DNAH1: variants seen among roughly 807,000 people sequenced by gnomAD.
DNAH1 encodes dynein axonemal heavy chain 1, also known as axonemal beta dynein heavy chain 1.
Under a neutral mutation model 484.3 loss-of-function variants are expected in DNAH1, and 327 were observed. The observed-to-expected ratio is 0.68, with a 90% CI of 0.62 to 0.74. The LOEUF is 0.74. DNAH1 is among the 30% of genes least tolerant of loss of function. The pLI, the probability that DNAH1 is intolerant of heterozygous loss-of-function variation, is 0.00. For missense variants in DNAH1, 5,052 were observed against 5,546.8 expected (o/e 0.91, Z 2.83); for synonymous variants, 2,192 against 2,191.9 (o/e 1.00, Z 0.00).
intron 44 of DNAH1, chr3:52,374,883 C>G (rs1348710676): frequency 2.8e-6 from 3 of 1,080,312 alleles, no homozygotes; most frequent in Non-Finnish European, 4.2e-6. Flanking sequence ...AGCCAATCCC[C>G]AGGTACTAAA....
chr3:52,311,849 AG>A (rs1700773311), upstream of DNAH1, among the ~76,000 whole-genome samples: 1 of 152,208 alleles, frequency 6.6e-6, no homozygotes, highest in South Asian at 2.1e-4. Context: ...GACGGCCCAC[AG>A]GGACCCCCCT....
chr3:52,335,024 T>G lies in DNAH1; in HGVS notation c.1286+2630T>G, dbSNP rs547623443. Among the ~76,000 whole-genome samples the G allele has an allele frequency of 7.2e-5, 11 of 151,842 alleles. No individual in the cohort carries two copies. The South Asian group carries it at 8.3e-4, about 11-fold the overall frequency. On this transcript the variant is annotated intron_variant, in intron 8 of 77. Coordinates refer to ENST00000420323, the MANE Select transcript of DNAH1 (RefSeq NM_015512.5). ...ACCATGTTCGCCAGGATGGTCTCGATCTCCTGACCTCGTGATCCACCTGCC... is the reference window on the plus strand; with the variant it reads ...ACCATGTTCGCCAGGATGGTCTCGAGCTCCTGACCTCGTGATCCACCTGCC...
Position 52,372,994 on chromosome 3 carries a change from CCATCGAGCT to C in DNAH1, c.6927_6935del (p.Ile2310_Leu2312del). The C allele has an allele frequency of 6.2e-6, 10 of 1,613,736 alleles. No homozygotes were observed. The highest frequency in any genetic ancestry group is 8.5e-6 in the Non-Finnish European group (10 of 1,179,862). The stretch of plus-strand genomic sequence containing the variant: ...CTGGAGACCTACGGTGCACAGCCAC[CCATCGAGCT>C]GTTGCGCCAGTGGATGGACCACGGC... On this transcript the variant is annotated inframe_deletion, in exon 44 of 78. Transcript: ENST00000420323.
chr3:52,379,872 C>T lies in DNAH1; in HGVS notation c.7378-33C>T. 6.5e-7 allele frequency: 1 copy of T among 1,533,236 alleles called. No homozygotes were observed. The highest frequency in any genetic ancestry group is 8.8e-7 in the Non-Finnish European group (1 of 1,133,646). The allele number at this position is 1,533,236 out of a possible 1,614,324, so 95.0% of individuals were successfully genotyped here. A position where few individuals can be genotyped will look rare whatever the true frequency, so the allele number is the denominator to read the frequency against. ...GAGAGATAGCTGAGGGCTTGGGGGC[C>T]AAGGACAGGCACCGATGCTGGGGCT... On this transcript the variant is annotated intron_variant, in intron 47 of 77. Transcript: ENST00000420323. The surrounding 1 kb of genome is among the most constrained non-coding windows in gnomAD (Gnocchi z 4.4).
chr3:52,375,233 A>G lies in DNAH1; in HGVS notation c.6986-7A>G. ...GGGCCCTTCCTGACTTCCTGCCCCT[A>G]CTCCAGGTGCCTTCAAGAACCTAGT... On this transcript the variant is annotated splice_region_variant and splice_polypyrimidine_tract_variant and intron_variant, in intron 44 of 77. Coordinates refer to ENST00000420323, the MANE Select transcript of DNAH1 (RefSeq NM_015512.5). 1 of 1,597,018 alleles carries G rather than the reference A, an allele frequency of 6.3e-7. No individual in the cohort carries two copies. The highest frequency in any genetic ancestry group is 8.5e-7 in the Non-Finnish European group (1 of 1,171,350).
intron 1 of DNAH1, among the ~76,000 whole-genome samples, chr3:52,320,962 A>C (rs1364944200): frequency 1.3e-5 from 2 of 150,302 alleles, no homozygotes; most frequent in African/African-American, 4.9e-5. Flanking sequence ...CACCACACCC[A>C]GCTAATTTTG....
Position 52,388,260 on chromosome 3 carries a change from T to C in DNAH1, c.9097T>C (p.Cys3033Arg), listed in dbSNP as rs1318824783. The C allele has an allele frequency of 6.2e-7, 1 of 1,603,436 alleles. No individual in the cohort carries two copies. Among genetic ancestry groups the C allele is most frequent in the East Asian group, 2.2e-5 (1 of 44,448 alleles). Residue 3033 changes from cysteine to arginine, a missense_variant, in exon 57 of 78, where the codon TGC (cysteine) becomes CGC (arginine). Physicochemically the swap from Cys to Arg is radical, Grantham distance 180. Coordinates refer to ENST00000420323, the MANE Select transcript of DNAH1 (RefSeq NM_015512.5). ...CACCATTGCCAAGGTGTCCAAGGCT[T>C]GCACCTCCATCTGCCAGTGGGTGCG... ...PATIAKVSKA[C>R]TSICQWVRAM...
In DNAH1 at chr3:52,354,881, G is replaced by T. The variant is rs1166366906; in HGVS notation, c.3519G>T (p.Leu1173=). The change falls in exon 21 of 78, where the codon CTG becomes CTT. Residue 1173 remains leucine, a synonymous_variant. Coordinates refer to ENST00000420323, the MANE Select transcript of DNAH1 (RefSeq NM_015512.5). ...DKMEKEWSTI[L]FNVLPYKATD... ...TGGAGAAGGAGTGGTCGACCATCCT[G>T]TTCAATGTACTGCCCTACAAGGCGA... 20 of 1,613,944 alleles carry T rather than the reference G, an allele frequency of 1.2e-5. No homozygotes were observed. Among genetic ancestry groups the T allele is most frequent in the Non-Finnish European group, 1.4e-5 (16 of 1,179,898 alleles).
chr3:52,382,779 C>G (rs1396873353), intron 50 of DNAH1, among the ~76,000 whole-genome samples: 1 of 152,374 alleles, frequency 6.6e-6, no homozygotes, highest in East Asian at 1.9e-4. Context: ...TGCTAGGGAC[C>G]CATGGCTTCC....
At chr3:52,346,976 A>G (rs1702170411) in intron 11 of DNAH1, among the ~76,000 whole-genome samples, 1 of 151,592 alleles carries the variant, frequency 6.6e-6, no homozygotes, top group Non-Finnish European at 1.5e-5. Flanking sequence ...TCACTCAATC[A>G]TTGAGTTACT....
chr3:52,344,605 G>C lies in DNAH1; in HGVS notation c.1402G>C (p.Val468Leu). ...VSSKPETFSY[V>L]TLPKKEEEQV... The stretch of plus-strand genomic sequence containing the variant: ...TTCCAAGCCCGAGACCTTCTCCTAC[G>C]TCACCCTCCCCAAGAAGGAGGAGGA... The change falls in exon 9 of 78, where the codon GTC becomes CTC. Residue 468 changes from valine (V) to leucine (L), a missense_variant. Coordinates refer to ENST00000420323, the MANE Select transcript of DNAH1 (RefSeq NM_015512.5). 6.2e-7 allele frequency: 1 copy of C among 1,613,894 alleles called. No individual in the cohort carries two copies. The highest frequency in any genetic ancestry group is 8.5e-7 in the Non-Finnish European group (1 of 1,179,842).
rs575545601 is a variant in DNAH1 at position 52,326,334 on chromosome 3, G to A, written c.581+20G>A. 5.6e-6 allele frequency: 9 copies of A among 1,596,296 alleles called. No individual in the cohort carries two copies. The East Asian group carries it at 1.6e-4, about 28-fold the overall frequency. ...CGAGAGGTACGGCTGGGTGGGCTGTGGGGAGACTGTCGGGGAGGTGGCATC... is the reference window on the plus strand; with the variant it reads ...CGAGAGGTACGGCTGGGTGGGCTGTAGGGAGACTGTCGGGGAGGTGGCATC... On this transcript the variant is annotated intron_variant, in intron 4 of 77. Transcript: ENST00000420323.
At position 52,396,384 on chromosome 3, in the gene DNAH1, G is replaced by A. The variant is rs751218605; in HGVS notation, c.11276G>A (p.Arg3759His). The change falls in exon 71 of 78, where the codon CGC becomes CAC. Residue 3759 changes from arginine (R) to histidine (H), a missense_variant. Around this residue, in one of 4 missense-constraint regions of DNAH1, gnomAD observed 853 missense variants for 899.0 expected, o/e 0.95. Coordinates refer to ENST00000420323, the MANE Select transcript of DNAH1 (RefSeq NM_015512.5). ...INPDKVHRDF[R>H]LWLTSLPSNK... Reference sequence around the variant, plus strand: ...GGCCACCAGGTACACAGGGACTTCCGCCTCTGGCTCACCAGCCTGCCCAGC... The same window carrying A: ...GGCCACCAGGTACACAGGGACTTCCACCTCTGGCTCACCAGCCTGCCCAGC... The A allele has an allele frequency of 7.6e-6, 12 of 1,580,398 alleles. No homozygotes were observed. The highest frequency in any genetic ancestry group is 6.8e-5 in the African/African-American group (5 of 74,014).
Position 52,364,732 on chromosome 3 carries a change from C to A in DNAH1, c.5331+8C>A, listed in dbSNP as rs766511945. On this transcript the variant is annotated splice_region_variant and intron_variant, in intron 33 of 77. Coordinates refer to ENST00000420323, the MANE Select transcript of DNAH1 (RefSeq NM_015512.5). The surrounding 1 kb of genome is among the most constrained non-coding windows in gnomAD (Gnocchi z 4.2). ...AACCCCAGCATGAATGAGGTGAGCT[C>A]CACCCAGCAGGGCTCCAGGAGTGGA... 6.2e-7 allele frequency: 1 copy of A among 1,611,976 alleles called. No homozygotes were observed. Among genetic ancestry groups the A allele is most frequent in the East Asian group, 2.2e-5 (1 of 44,868 alleles).
rs1466165610 is a variant in DNAH1 at position 52,344,508 on chromosome 3, C to T, written c.1305C>T (p.Ser435=). The change falls in exon 9 of 78, where the codon AGC becomes AGT. Residue 435 remains serine, a synonymous_variant. Coordinates refer to ENST00000420323, the MANE Select transcript of DNAH1 (RefSeq NM_015512.5). ...TGGGCAGGGTTCTAGAGCACCTCAG[C>T]AGTCTTGCCAGAGAAGTGAGCCTGG... ...RKGPSVLEHL[S]SLAREVSLDY... The T allele has an allele frequency of 4.3e-6, 7 of 1,613,924 alleles. No individual in the cohort carries two copies. Among genetic ancestry groups the T allele is most frequent in the Non-Finnish European group, 5.9e-6 (7 of 1,179,798 alleles).
rs1227745477 is a variant in DNAH1 at position 52,332,198 on chromosome 3, T to G, written c.1090T>G (p.Cys364Gly). The G allele has an allele frequency of 1.9e-6, 3 of 1,604,694 alleles. No individual in the cohort carries two copies. The change falls in exon 8 of 78, where the codon TGC becomes GGC. Residue 364 changes from cysteine (C) to glycine (G), a missense_variant. Physicochemically the swap from Cys to Gly is radical, Grantham distance 159. Around this residue, in one of 4 missense-constraint regions of DNAH1, gnomAD observed 1,263 missense variants for 1,218.8 expected, o/e 1.04. Coordinates refer to ENST00000420323, the MANE Select transcript of DNAH1 (RefSeq NM_015512.5). ...YWVPRIQLLF[C>G]AEDPCMFAQR... ...GGTGCCACGGATCCAGCTTCTCTTC[T>G]GCGCTGAGGACCCTTGCATGTTCGC...
chr3:52,393,146 C>T lies in DNAH1; in HGVS notation c.10474+121C>T, dbSNP rs185134685. ...CTGGCGTACACTCTCCTCTTAGACT[C>T]ACAATACATAAGAATGCACACAGCA... On this transcript the variant is annotated intron_variant, in intron 65 of 77. Transcript: ENST00000420323. The T allele has an allele frequency of 3.5e-6, 5 of 1,426,970 alleles. No individual in the cohort carries two copies. In the African/African-American group the frequency reaches 4.2e-5, roughly 12 times the overall value. 88.4% of individuals were successfully genotyped at this position (1,426,970 alleles called of 1,614,324 possible). A position where few individuals can be genotyped will look rare whatever the true frequency, so the allele number is the denominator to read the frequency against.
Position 52,394,973 on chromosome 3 carries a change from C to T in DNAH1, c.10882C>T (p.Leu3628Phe), listed in dbSNP as rs367697208. ...YLDQFQKLLV[L>F]RCLRGDKVTN... ...AGACCAGTTCCAGAAGCTGCTAGTC[C>T]TCCGCTGCCTGCGTGGGGACAAGGT... Residue 3628 changes from leucine (L) to phenylalanine (F), a missense_variant, in exon 68 of 78, where the codon CTC becomes TTC. Physicochemically the swap from Leu to Phe is conservative, Grantham distance 22. Around this residue, in one of 4 missense-constraint regions of DNAH1, gnomAD observed 853 missense variants for 899.0 expected, o/e 0.95. Transcript: ENST00000420323. The T allele has an allele frequency of 1.8e-4, 286 of 1,613,062 alleles. No homozygotes were observed. The highest frequency in any genetic ancestry group is 2.4e-4 in the Non-Finnish European group (281 of 1,179,584).
intron 1 of DNAH1, 64 bp from the exon 2 acceptor site, chr3:52,322,344 TC>T: frequency 8.8e-7 from 1 of 1,131,172 alleles, no homozygotes; most frequent in Non-Finnish European, 1.2e-6. Flanking sequence ...AATCTAGGCA[TC>T]CATGTGTCTC....
Sources: gnomAD v4.1 joint callset for allele counts (sites outside exome capture counted in the v4.1 genomes callset) on GRCh38, gnomAD v4.1.1 for gene constraint, gnomAD v4.1.1 regional missense constraint, Gnocchi (gnomAD v3.1) non-coding constraint, MANE v1.5 for transcripts, NCBI Gene and HGNC (gene_info 2026-07-23, HGNC 2026-07-21) for gene names.